Variants in TBC1D5 observed in about 807,000 individuals in gnomAD.
TBC1D5 encodes TBC1 domain family, member 5.
Under a neutral mutation model 100.3 loss-of-function variants are expected in TBC1D5, and 75 were observed. The ratio of observed to expected loss-of-function variants is 0.75; its 90% confidence interval spans 0.62 to 0.91. The LOEUF is 0.91. TBC1D5 is among the 40% of genes least tolerant of loss of function. The pLI, the probability that TBC1D5 is intolerant of heterozygous loss-of-function variation, is 0.00. For synonymous variants in TBC1D5, 323 were observed against 325.6 expected (o/e 0.99, Z 0.09); for missense variants, 910 against 942.4 (o/e 0.97, Z 0.45).
chr3:17,735,951 C>T (rs1265445300), intron 1 of TBC1D5, among the ~76,000 whole-genome samples: 1 of 152,198 alleles, frequency 6.6e-6, no homozygotes, highest in African/African-American at 2.4e-5. Flanking sequence ...AGGGGGTTGC[C>T]GCTCCCTGCT....
chr3:17,227,320 T>C (rs2074997885), intron 17 of TBC1D5, among the ~76,000 whole-genome samples: 2 of 152,112 alleles, frequency 1.3e-5, no homozygotes, highest in South Asian at 2.1e-4. Context: ...CAGGGCCTGA[T>C]TAAAACCTTT....
At chr3:17,427,273 T>C (rs1474974698) in intron 4 of TBC1D5, among the ~76,000 whole-genome samples, 1 of 151,944 alleles carries the variant, frequency 6.6e-6, no homozygotes, top group Admixed American at 6.6e-5. Context: ...GAACAACTGA[T>C]TATGTATACA....
intron 19 of TBC1D5, among the ~76,000 whole-genome samples, chr3:17,181,598 T>C (rs534042090): frequency 3.9e-5 from 6 of 152,336 alleles, no homozygotes; most frequent in African/African-American, 1.2e-4. Context: ...CTCATGAGGT[T>C]GTCTGTTTCT....
chr3:17,697,659 T>C (rs983592804), intron 1 of TBC1D5, among the ~76,000 whole-genome samples: 12 of 152,286 alleles, frequency 7.9e-5, no homozygotes, highest in Admixed American at 6.5e-4. Flanking sequence ...AGAATCAATA[T>C]TGTGAAAATG....
chr3:17,459,630 G>C (rs1023953850), intron 3 of TBC1D5, among the ~76,000 whole-genome samples: 1 of 152,148 alleles, frequency 6.6e-6, no homozygotes, highest in African/African-American at 2.4e-5. Flanking sequence ...GGATGCAGCA[G>C]CGCTCACTTC....
intron 3 of TBC1D5, among the ~76,000 whole-genome samples, chr3:17,498,481 G>T (rs560523592): frequency 1.3e-5 from 2 of 152,192 alleles, no homozygotes; most frequent in Non-Finnish European, 2.9e-5. Context: ...TTTAAGAACA[G>T]AACAATGTCA....
At chr3:17,451,569 TCAA>T (rs1372218240) in intron 3 of TBC1D5, among the ~76,000 whole-genome samples, 1 of 152,160 alleles carries the variant, frequency 6.6e-6, no homozygotes, top group East Asian at 1.9e-4. Flanking sequence ...ATAAATTAGT[TCAA>T]CTATTGTGGA....
At chr3:17,343,773 C>T (rs2089400898) in intron 13 of TBC1D5, among the ~76,000 whole-genome samples, 1 of 152,138 alleles carries the variant, frequency 6.6e-6, no homozygotes, top group Non-Finnish European at 1.5e-5. Flanking sequence ...TGGTAGTATT[C>T]TCTGATGGTA....
At chr3:17,382,998 T>C (rs995040218) in intron 9 of TBC1D5, among the ~76,000 whole-genome samples, 1 of 152,080 alleles carries the variant, frequency 6.6e-6, no homozygotes, top group African/African-American at 2.4e-5. Context: ...AGTTAATTAA[T>C]ACAGAAAAAT....
At chr3:17,217,364 T>C (rs1362736746) in intron 17 of TBC1D5, among the ~76,000 whole-genome samples, 1 of 152,004 alleles carries the variant, frequency 6.6e-6, no homozygotes. Context: ...TGTGGACATA[T>C]TGTTTCCCTT....
intron 3 of TBC1D5, among the ~76,000 whole-genome samples, chr3:17,444,980 A>C (rs1284681143): frequency 6.6e-6 from 1 of 152,160 alleles, no homozygotes; most frequent in East Asian, 1.9e-4. Flanking sequence ...TGTGAGAAAT[A>C]ACTTCATTGA....
intron 15 of TBC1D5, among the ~76,000 whole-genome samples, chr3:17,279,550 G>A (rs2149856260): frequency 6.6e-6 from 1 of 152,294 alleles, no homozygotes; most frequent in Admixed American, 6.5e-5. Context: ...ATAAACAGAA[G>A]TTTCATTATT....
At chr3:17,535,194 G>C (rs1179452256) in intron 2 of TBC1D5, among the ~76,000 whole-genome samples, 1 of 152,110 alleles carries the variant, frequency 6.6e-6, no homozygotes, top group Non-Finnish European at 1.5e-5. Flanking sequence ...ACGATTTTCA[G>C]GGTTGTATCA....
At chr3:17,252,974 G>A (rs1338148460) in intron 16 of TBC1D5, among the ~76,000 whole-genome samples, 1 of 152,162 alleles carries the variant, frequency 6.6e-6, no homozygotes, top group Non-Finnish European at 1.5e-5. Context: ...CAGGGTGTGG[G>A]TCTTAGAATC....
intron 8 of TBC1D5, among the ~76,000 whole-genome samples, chr3:17,393,145 G>A (rs370823177): frequency 3.1e-4 from 47 of 151,230 alleles, no homozygotes; most frequent in South Asian, 6.2e-4. Context: ...TTTGTTGGCC[G>A]CATAAATGTC....
intron 13 of TBC1D5, among the ~76,000 whole-genome samples, chr3:17,340,213 G>A (rs769750451): frequency 2.0e-5 from 3 of 152,146 alleles, no homozygotes; most frequent in Non-Finnish European, 4.4e-5. Flanking sequence ...CCTCTATACT[G>A]GGAATGGGTC....
chr3:17,682,107 G>A (rs2069571992), intron 1 of TBC1D5, among the ~76,000 whole-genome samples: 1 of 151,214 alleles, frequency 6.6e-6, no homozygotes, highest in South Asian at 2.1e-4. Context: ...CAAAAAGGTT[G>A]GGAACTGCTG....
intron 3 of TBC1D5, among the ~76,000 whole-genome samples, chr3:17,437,111 G>A (rs1408321018): frequency 6.6e-6 from 1 of 152,174 alleles, no homozygotes; most frequent in Non-Finnish European, 1.5e-5. Flanking sequence ...ATCTCTTGCT[G>A]TCTCTCACAT....
At chr3:17,684,166 C>A (rs1197873170) in intron 1 of TBC1D5, among the ~76,000 whole-genome samples, 1 of 151,818 alleles carries the variant, frequency 6.6e-6, no homozygotes, top group Non-Finnish European at 1.5e-5. Context: ...CTAATAGTAT[C>A]TGTGGTTGTT....
Sources: allele counts gnomAD v4.1 joint callset (sites outside exome capture counted in the v4.1 genomes callset), GRCh38; gene constraint gnomAD v4.1.1; transcripts MANE v1.5; gene names NCBI Gene and HGNC (gene_info 2026-07-23, HGNC 2026-07-21).